The following DPYSL5 variants were observed in gnomAD, a reference collection of about 807,000 sequenced individuals.
The protein encoded by DPYSL5 is dihydropyrimidinase like 5.
In DPYSL5, 9 loss-of-function variants were observed where a neutral mutation model predicts 58.4. That is an observed-to-expected ratio of 0.15 (90% CI 0.09 to 0.27). The LOEUF (loss-of-function observed/expected upper bound fraction) is 0.27, where lower values mean the gene tolerates loss of function less well. DPYSL5 is among the 10% of genes least tolerant of loss of function. The pLI, the probability that DPYSL5 is intolerant of heterozygous loss-of-function variation, is 1.00. For missense variants in DPYSL5, 499 were observed against 770.6 expected, an observed-to-expected ratio of 0.65 and a Z score of 4.17; for synonymous variants, 293 against 301.9, an observed-to-expected ratio of 0.97 and a Z score of 0.31.
intron 6 of DPYSL5, among the ~76,000 whole-genome samples, chr2:26,932,083 A>AAGG: frequency 2.0e-5 from 1 of 50,826 alleles, no homozygotes; most frequent in Middle Eastern, 0.011. Context: ...GAAAGAAAGA[A>AAGG]AAGAAAAAAG....
intron 2 of DPYSL5, among the ~76,000 whole-genome samples, chr2:26,903,103 A>T (rs948532310): frequency 6.7e-6 from 1 of 149,432 alleles, no homozygotes; most frequent in Non-Finnish European, 1.5e-5. Context: ...GAAGTCTCAC[A>T]CTGTCACCCA....
chr2:26,913,952 T>TAAAA (rs71401539), intron 2 of DPYSL5, among the ~76,000 whole-genome samples: 2 of 132,310 alleles, frequency 1.5e-5, no homozygotes, highest in African/African-American at 2.8e-5. Context: ...TTCCAAAATG[T>TAAAA]AAAAAAAAAA....
chr2:26,888,539 T>C (rs534321105), intron 1 of DPYSL5, among the ~76,000 whole-genome samples: 1 of 152,282 alleles, frequency 6.6e-6, no homozygotes, highest in African/African-American at 2.4e-5. Flanking sequence ...CCCAAAGTGC[T>C]GGGATTACAG....
In DPYSL5 at chr2:26,934,852, G is replaced by A. The variant is rs1665131325; in HGVS notation, c.947+118G>A. The A allele has an allele frequency of 7.3e-7, 1 of 1,374,896 alleles. No homozygotes were observed. The highest frequency in any genetic ancestry group is 1.4e-5 in the African/African-American group (1 of 69,564). 85.2% of individuals were successfully genotyped at this position (1,374,896 alleles called of 1,614,324 possible). A position where few individuals can be genotyped will look rare whatever the true frequency, so the allele number is the denominator to read the frequency against. On this transcript the variant is annotated intron_variant, in intron 8 of 12. Coordinates refer to ENST00000288699, the MANE Select transcript of DPYSL5 (RefSeq NM_020134.4). The surrounding 1 kb of genome is among the most constrained non-coding windows in gnomAD (Gnocchi z 4.3). ...TTCATTGTGCCCATAGGATCATTGT[G>A]CTTTTCTTACCTTCTCTGAGCCCAT...
At chr2:26,910,584 A>T (rs915798594) in intron 2 of DPYSL5, among the ~76,000 whole-genome samples, 3 of 150,144 alleles carry the variant, frequency 2.0e-5, no homozygotes, top group Non-Finnish European at 4.4e-5. Context: ...TCTGAATATA[A>T]GAGTTGTTTT....
intron 11 of DPYSL5, among the ~76,000 whole-genome samples, chr2:26,943,551 CTG>C (rs1665381904): frequency 6.6e-6 from 1 of 152,220 alleles, no homozygotes; most frequent in African/African-American, 2.4e-5. Flanking sequence ...GCGTGAGCCA[CTG>C]TGCGCGGCCC....
In DPYSL5 at chr2:26,942,400, G is replaced by GTT. The variant is rs1410335261; in HGVS notation, c.1233-143_1233-142insTT. On this transcript the variant is annotated intron_variant, in intron 10 of 12. Coordinates refer to ENST00000288699, the MANE Select transcript of DPYSL5 (RefSeq NM_020134.4). The surrounding 1 kb of genome is among the most constrained non-coding windows in gnomAD (Gnocchi z 5.9). ...AATAGTGCCATGTTCTGAGGTTCTGGGTGTTAGAACTTCAGCAGAAGAATT... is the reference window on the plus strand; with the variant it reads ...AATAGTGCCATGTTCTGAGGTTCTGGTTGTGTTAGAACTTCAGCAGAAGAATT... 3 of 973,324 alleles carry GTT rather than the reference G, an allele frequency of 3.1e-6. No homozygotes were observed. In the African/African-American group the frequency reaches 4.9e-5, roughly 16 times the overall value. 60.3% of individuals were successfully genotyped at this position (973,324 alleles called of 1,614,324 possible). A position where few individuals can be genotyped will look rare whatever the true frequency, so the allele number is the denominator to read the frequency against.
Position 26,898,895 on chromosome 2 carries a change from C to T in DPYSL5, c.261+135C>T. 2 of 1,058,198 alleles carry T rather than the reference C, an allele frequency of 1.9e-6. No individual in the cohort carries two copies. Among genetic ancestry groups the T allele is most frequent in the Non-Finnish European group, 2.7e-6 (2 of 742,262 alleles). 65.6% of individuals were successfully genotyped at this position (1,058,198 alleles called of 1,614,324 possible). A position where few individuals can be genotyped will look rare whatever the true frequency, so the allele number is the denominator to read the frequency against. ...GCAGGAGAAGGGTGTGTCAGGGCCA[C>T]TGTGGCAACTACAATAGGGATTTCC... On this transcript the variant is annotated intron_variant, in intron 2 of 12. Coordinates refer to ENST00000288699, the MANE Select transcript of DPYSL5 (RefSeq NM_020134.4). This position sits in a 1 kb window ranked among gnomAD's most constrained non-coding sequence, Gnocchi z 6.1.
chr2:26,881,969 C>T (rs961792457), intron 1 of DPYSL5, among the ~76,000 whole-genome samples: 1 of 151,348 alleles, frequency 6.6e-6, no homozygotes, highest in Non-Finnish European at 1.5e-5. Context: ...TGGGCACCTG[C>T]AGTCTCAGCT....
chr2:26,911,051 T>C (rs940498407), intron 2 of DPYSL5, among the ~76,000 whole-genome samples: 13 of 151,352 alleles, frequency 8.6e-5, no homozygotes, highest in Admixed American at 2.6e-4. Flanking sequence ...AGTTAATTTT[T>C]ATACATGGTA....
rs949426920 is a variant in DPYSL5, at chr2:26,895,953, T to C, written c.-4-2543T>C. Among the ~76,000 whole-genome samples, 2 of 151,834 alleles carry C rather than the reference T, an allele frequency of 1.3e-5. 1 individual carries two copies. The highest frequency in any genetic ancestry group is 2.9e-5 in the Non-Finnish European group (2 of 67,970). Reference sequence around the variant, plus strand: ...CACCACCACGCCCGGCTAGTTCTTGTATTTTTAGTAGAGACGGGGTTTCAC... The same window carrying C: ...CACCACCACGCCCGGCTAGTTCTTGCATTTTTAGTAGAGACGGGGTTTCAC... On this transcript the variant is annotated intron_variant, in intron 1 of 12. Transcript: ENST00000288699.
chr2:26,910,498 GC>G (rs1664406707), intron 2 of DPYSL5, among the ~76,000 whole-genome samples: 1 of 151,928 alleles, frequency 6.6e-6, no homozygotes, highest in African/African-American at 2.4e-5. Context: ...GTGCCTATAT[GC>G]CTTCTATATG....
chr2:26,868,214 A>G (rs1393552285), intron 1 of DPYSL5, among the ~76,000 whole-genome samples: 1 of 152,122 alleles, frequency 6.6e-6, no homozygotes, highest in Non-Finnish European at 1.5e-5. Flanking sequence ...TCTTTTTCCA[A>G]TCAATATGTT....
intron 1 of DPYSL5, among the ~76,000 whole-genome samples, chr2:26,888,255 T>TTCTTTCTTTCTTTCTTCCTTTCTG (rs1553316479): frequency 9.2e-6 from 1 of 108,188 alleles, no homozygotes; most frequent in African/African-American, 4.6e-5. Context: ...CTTTCTTTCT[T>TTCTTTCTTTCTTTCTTCCTTTCTG]TCTTTCTTTC....
At chr2:26,858,530 C>T (rs1665934776) in intron 1 of DPYSL5, among the ~76,000 whole-genome samples, 1 of 151,376 alleles carries the variant, frequency 6.6e-6, no homozygotes, top group Non-Finnish European at 1.5e-5. Flanking sequence ...CCCTTAAGCA[C>T]TTAAATATTT....
rs150925733 is a variant in DPYSL5 at position 26,884,398 on chromosome 2, G to A, written c.-4-14098G>A. 2.1e-3 allele frequency among the ~76,000 whole-genome samples: 326 copies of A among 152,208 alleles called. 1 individual carries two copies. The highest frequency in any genetic ancestry group is 7.6e-3 in the African/African-American group (316 of 41,522). ...AGTAATGAAGCCTCCTGGCCTCAGG[G>A]AGTCAGCCAACACTTACAAGGAGCC... On this transcript the variant is annotated intron_variant, in intron 1 of 12. Transcript: ENST00000288699.
intron 1 of DPYSL5, among the ~76,000 whole-genome samples, chr2:26,875,479 G>T (rs1358556569): frequency 2.6e-5 from 4 of 152,244 alleles, no homozygotes; most frequent in Non-Finnish European, 5.9e-5. Flanking sequence ...ACAAAGAAGG[G>T]TGTGTCAGCC....
chr2:26,916,405 T>C (rs1329781289), intron 2 of DPYSL5, among the ~76,000 whole-genome samples: 1 of 152,134 alleles, frequency 6.6e-6, no homozygotes. Flanking sequence ...GGGCCAGACA[T>C]GTCCAGGGAT....
chr2:26,883,188 C>T (rs1663617662), intron 1 of DPYSL5, among the ~76,000 whole-genome samples: 2 of 152,110 alleles, frequency 1.3e-5, no homozygotes, highest in South Asian at 4.1e-4. Flanking sequence ...ATGTAAGAAG[C>T]TCCCCCTACC....
Sources: gnomAD v4.1 joint callset for allele counts (sites outside exome capture counted in the v4.1 genomes callset) on GRCh38, gnomAD v4.1.1 for gene constraint, Gnocchi (gnomAD v3.1) non-coding constraint, MANE v1.5 for transcripts, NCBI Gene and HGNC (gene_info 2026-07-23, HGNC 2026-07-21) for gene names.